Variants in KCNB2 observed in about 807,000 individuals in gnomAD.
The protein encoded by KCNB2 is potassium voltage-gated channel subfamily B member 2, also known as delayed rectifier potassium channel protein.
Under a neutral mutation model 61.5 loss-of-function variants are expected in KCNB2, and 15 were observed. The observed-to-expected ratio is 0.24, with a 90% CI of 0.16 to 0.38. The LOEUF is 0.38. Ranked by LOEUF, KCNB2 falls within the 10% of genes least tolerant of loss-of-function variation. KCNB2 has a pLI of 1.00. For missense variants in KCNB2, 828 were observed against 1,125.2 expected (o/e 0.74, Z 3.78); for synonymous variants, 457 against 446.0 (o/e 1.02, Z -0.31).
At chr8:72,787,583 G>C (rs1470062375) in intron 2 of KCNB2, among the ~76,000 whole-genome samples, 1 of 151,908 alleles carries the variant, frequency 6.6e-6, no homozygotes, top group African/African-American at 2.4e-5. Flanking sequence ...CACACAAATT[G>C]CTTAGCAAGG....
chr8:72,743,385 G>C (rs1807998919), intron 2 of KCNB2, among the ~76,000 whole-genome samples: 1 of 152,154 alleles, frequency 6.6e-6, no homozygotes, highest in Admixed American at 6.5e-5. Context: ...ACTGTGACCT[G>C]TACCTTCCCT....
intron 2 of KCNB2, among the ~76,000 whole-genome samples, chr8:72,889,260 C>G (rs1246954915): frequency 1.3e-5 from 2 of 152,152 alleles, no homozygotes; most frequent in Admixed American, 6.5e-5. Flanking sequence ...AAAAGACATA[C>G]TTACTGAGGC....
At chr8:72,811,129 C>A (rs1809299883) in intron 2 of KCNB2, among the ~76,000 whole-genome samples, 1 of 150,516 alleles carries the variant, frequency 6.6e-6, no homozygotes, top group Non-Finnish European at 1.5e-5. Context: ...TCACACAATG[C>A]CAGATACCAG....
intron 2 of KCNB2, among the ~76,000 whole-genome samples, chr8:72,771,374 C>G (rs73313526): frequency 0.026 from 4,001 of 152,058 alleles, 61 homozygotes; most frequent in African/African-American, 0.037. Context: ...TTTTTTATTT[C>G]AGCTATGGAG....
intron 2 of KCNB2, among the ~76,000 whole-genome samples, chr8:72,794,630 G>A (rs1808999768): frequency 6.6e-6 from 1 of 151,418 alleles, no homozygotes; most frequent in Non-Finnish European, 1.5e-5. Flanking sequence ...AGAAGGCTAG[G>A]AGAGGAGTAG....
At chr8:72,853,243 T>A (rs1436401747) in intron 2 of KCNB2, among the ~76,000 whole-genome samples, 1 of 152,184 alleles carries the variant, frequency 6.6e-6, no homozygotes, top group Non-Finnish European at 1.5e-5. Context: ...TGGAAGCTCA[T>A]GGAAGGCCAA....
At chr8:72,855,853 G>A (rs1220019295) in intron 2 of KCNB2, among the ~76,000 whole-genome samples, 1 of 152,168 alleles carries the variant, frequency 6.6e-6, no homozygotes, top group East Asian at 1.9e-4. Context: ...ATTGGTGGAT[G>A]TTCAAGTCCT....
At chr8:72,639,969 G>A (rs532950400) in intron 2 of KCNB2, among the ~76,000 whole-genome samples, 2 of 151,832 alleles carry the variant, frequency 1.3e-5, no homozygotes, top group South Asian at 4.2e-4. Flanking sequence ...GAGAAGGGGG[G>A]ACTGGGTGCG....
chr8:72,886,784 A>G (rs1473088788), intron 2 of KCNB2, among the ~76,000 whole-genome samples: 1 of 152,270 alleles, frequency 6.6e-6, no homozygotes, highest in Non-Finnish European at 1.5e-5. Flanking sequence ...AGCTTCTTGC[A>G]TCGCAGTGGC....
In KCNB2 at chr8:72,828,019, G is replaced by A. The variant is rs187562286; in HGVS notation, c.580-107916G>A. Among the ~76,000 whole-genome samples the A allele has an allele frequency of 1.5e-3, 235 of 152,158 alleles. 1 individual carries two copies. Among genetic ancestry groups the A allele is most frequent in the Middle Eastern group, 6.8e-3 (2 of 294 alleles). The stretch of plus-strand genomic sequence containing the variant: ...GTAGAGACGGGGTTTCACCATGTTG[G>A]CCAGGTTGGCCTCAAACTCCTGACC... On this transcript the variant is annotated intron_variant, in intron 2 of 2. Coordinates refer to ENST00000523207, the MANE Select transcript of KCNB2 (RefSeq NM_004770.3).
At chr8:72,554,960 A>G (rs1343873219) in intron 1 of KCNB2, among the ~76,000 whole-genome samples, 2 of 152,078 alleles carry the variant, frequency 1.3e-5, no homozygotes, top group African/African-American at 2.4e-5. Flanking sequence ...TACCTTCAAT[A>G]TCATGCTACT....
At chr8:72,753,059 G>C (rs1808225810) in intron 2 of KCNB2, among the ~76,000 whole-genome samples, 1 of 152,170 alleles carries the variant, frequency 6.6e-6, no homozygotes, top group Admixed American at 6.5e-5. Context: ...AATATGTCAA[G>C]CTGACAACGT....
At chr8:72,547,500 C>T (rs893634144) in intron 1 of KCNB2, among the ~76,000 whole-genome samples, 14 of 152,088 alleles carry the variant, frequency 9.2e-5, no homozygotes, top group African/African-American at 3.1e-4. Context: ...GTCAAAATAT[C>T]AACATTAACA....
chr8:72,720,795 G>A (rs1807536093), intron 2 of KCNB2, among the ~76,000 whole-genome samples: 2 of 152,080 alleles, frequency 1.3e-5, no homozygotes, highest in Admixed American at 6.6e-5. Context: ...GCATGCCACG[G>A]TACTCAATCT....
chr8:72,556,363 G>A lies in KCNB2; in HGVS notation c.-93-11279G>A, dbSNP rs73686074. Among the ~76,000 whole-genome samples, 365 of 152,140 alleles carry A rather than the reference G, an allele frequency of 2.4e-3. 1 individual carries two copies. Among genetic ancestry groups the A allele is most frequent in the African/African-American group, 8.4e-3 (347 of 41,518 alleles). ...GCTTCCTAGTGTTTTACACAACAGAGACACATGGTAGGTTGAGAGAGGGGG... is the reference window on the plus strand; with the variant it reads ...GCTTCCTAGTGTTTTACACAACAGAAACACATGGTAGGTTGAGAGAGGGGG... On this transcript the variant is annotated intron_variant, in intron 1 of 2. Transcript: ENST00000523207.
intron 2 of KCNB2, chr8:72,661,321 A>C (rs971714932): frequency 1.3e-5 from 2 of 152,140 alleles, no homozygotes. Flanking sequence ...TACCTCAAAT[A>C]CATTTTTGAC....
At chr8:72,827,384 A>G (rs1809611376) in intron 2 of KCNB2, among the ~76,000 whole-genome samples, 1 of 152,168 alleles carries the variant, frequency 6.6e-6, no homozygotes, top group African/African-American at 2.4e-5. Flanking sequence ...TTTTAAACCA[A>G]TATACTCTGC....
chr8:72,849,108 C>G lies in KCNB2; in HGVS notation c.580-86827C>G, dbSNP rs192464409. ...AAGGCCCAGCTAAGTATTTATGACT[C>G]ATTTTCTTAGCCACAAAAAGAGGTT... On this transcript the variant is annotated intron_variant, in intron 2 of 2. Coordinates refer to ENST00000523207, the MANE Select transcript of KCNB2 (RefSeq NM_004770.3). Among the ~76,000 whole-genome samples, 374 of 150,876 alleles carry G rather than the reference C, an allele frequency of 2.5e-3. 4 individuals carry two copies. The highest frequency in any genetic ancestry group is 8.5e-3 in the African/African-American group (351 of 41,132).
intron 2 of KCNB2, among the ~76,000 whole-genome samples, chr8:72,757,053 T>A (rs962963446): frequency 6.6e-6 from 1 of 151,856 alleles, no homozygotes; most frequent in Non-Finnish European, 1.5e-5. Flanking sequence ...AGCTTGGGAG[T>A]CAATGAGATT....
Sources: allele counts gnomAD v4.1 joint callset (sites outside exome capture counted in the v4.1 genomes callset), GRCh38; gene constraint gnomAD v4.1.1; transcripts MANE v1.5; gene names NCBI Gene and HGNC (gene_info 2026-07-23, HGNC 2026-07-21).